Variants in ZBTB20 observed in about 807,000 individuals in gnomAD.
ZBTB20 encodes the protein zinc finger and BTB domain-containing protein 20.
A neutral mutation model predicts 56.9 loss-of-function variants in ZBTB20; 9 were observed. The ratio of observed to expected loss-of-function variants is 0.16; its 90% CI spans 0.10 to 0.28. ZBTB20 has a LOEUF of 0.28. Among genes scored for constraint, ZBTB20 ranks in the 10% least tolerant of loss-of-function variants. ZBTB20 has a pLI of 1.00. For missense variants in ZBTB20, 655 were observed against 1,003.0 expected (o/e 0.65, Z 4.69); for synonymous variants, 417 against 420.7 (o/e 0.99, Z 0.11).
intron 1 of ZBTB20, among the ~76,000 whole-genome samples, chr3:115,083,122 T>C (rs1017614279): frequency 2.6e-5 from 4 of 152,010 alleles, no homozygotes; most frequent in Admixed American, 6.6e-5. Flanking sequence ...CATATAACTC[T>C]TATCTCTTTG....
At chr3:115,106,361 G>A (rs1449216533) in intron 1 of ZBTB20, among the ~76,000 whole-genome samples, 1 of 150,964 alleles carries the variant, frequency 6.6e-6, no homozygotes, top group East Asian at 2.0e-4. Context: ...AGCCTCCCGA[G>A]TAGCTGGGAC....
At chr3:115,131,499 T>C (rs916067489) in intron 1 of ZBTB20, among the ~76,000 whole-genome samples, 1 of 152,186 alleles carries the variant, frequency 6.6e-6, no homozygotes, top group Non-Finnish European at 1.5e-5. Context: ...CATTATTTAC[T>C]AGCATTACCT....
intron 2 of ZBTB20, among the ~76,000 whole-genome samples, chr3:114,996,775 T>A (rs775787749): frequency 1.3e-5 from 2 of 151,740 alleles, no homozygotes; most frequent in Non-Finnish European, 2.9e-5. Context: ...TATTTCTAGT[T>A]CTAGATACAA....
chr3:115,064,744 T>G (rs2082144783), intron 2 of ZBTB20, among the ~76,000 whole-genome samples: 2 of 152,140 alleles, frequency 1.3e-5, no homozygotes, highest in Non-Finnish European at 2.9e-5. Context: ...TGAGCCACCG[T>G]GCCCGGCCTT....
intron 7 of ZBTB20, among the ~76,000 whole-genome samples, chr3:114,499,717 T>C (rs1020271351): frequency 6.6e-5 from 10 of 152,198 alleles, no homozygotes; most frequent in African/African-American, 2.4e-4. Flanking sequence ...CTCTTTTTTT[T>C]CATATAAAAT....
intron 6 of ZBTB20, among the ~76,000 whole-genome samples, chr3:114,571,791 T>C (rs1201356803): frequency 4.6e-5 from 7 of 152,280 alleles, no homozygotes; most frequent in Non-Finnish European, 7.4e-5. Context: ...AATTAGTATC[T>C]CTTGAGGTGG....
intron 6 of ZBTB20, among the ~76,000 whole-genome samples, chr3:114,558,632 T>C (rs1234736348): frequency 6.6e-6 from 1 of 152,100 alleles, no homozygotes; most frequent in African/African-American, 2.4e-5. Context: ...TAACTGGGAT[T>C]ACTTCCTTTT....
intron 10 of ZBTB20, among the ~76,000 whole-genome samples, chr3:114,372,670 A>C (rs76249341): frequency 0.015 from 2,301 of 151,954 alleles, 28 homozygotes; most frequent in South Asian, 0.067. Flanking sequence ...TCTAAAATAC[A>C]AACAAACAAA....
intron 6 of ZBTB20, among the ~76,000 whole-genome samples, chr3:114,588,805 T>C (rs1577789926): frequency 6.6e-6 from 1 of 152,284 alleles, no homozygotes; most frequent in South Asian, 2.1e-4. Context: ...TGAATCTTAA[T>C]CCATATTAGT....
intron 5 of ZBTB20, among the ~76,000 whole-genome samples, chr3:114,720,729 T>G (rs967894502): frequency 1.3e-5 from 2 of 152,182 alleles, no homozygotes; most frequent in Non-Finnish European, 2.9e-5. Flanking sequence ...TCATTTGGCA[T>G]ATACTAATTG....
intron 5 of ZBTB20, among the ~76,000 whole-genome samples, chr3:114,752,559 A>G (rs1404502695): frequency 2.6e-5 from 4 of 152,218 alleles, no homozygotes; most frequent in Admixed American, 2.6e-4. Flanking sequence ...TCTTTAAAAA[A>G]TACTTTTTCC....
intron 6 of ZBTB20, among the ~76,000 whole-genome samples, chr3:114,508,471 G>C (rs938375001): frequency 3.3e-5 from 5 of 152,092 alleles, no homozygotes; most frequent in African/African-American, 9.7e-5. Context: ...CTGGATCACT[G>C]AACTATTGCC....
chr3:114,797,945 C>T (rs2071432918), intron 5 of ZBTB20, among the ~76,000 whole-genome samples: 3 of 151,816 alleles, frequency 2.0e-5, no homozygotes, highest in African/African-American at 2.4e-5. Flanking sequence ...AGGTTTTTAC[C>T]GTAGCCTCTT....
chr3:114,700,734 A>G (rs1394225830), intron 5 of ZBTB20, among the ~76,000 whole-genome samples: 3 of 152,184 alleles, frequency 2.0e-5, no homozygotes, highest in Non-Finnish European at 4.4e-5. Context: ...TTACACAGAA[A>G]AAGAACTCTG....
intron 6 of ZBTB20, among the ~76,000 whole-genome samples, chr3:114,638,806 T>C (rs2059409534): frequency 6.6e-6 from 1 of 152,072 alleles, no homozygotes; most frequent in African/African-American, 2.4e-5. Flanking sequence ...AATTTTTAAA[T>C]ATTTTCCAAA....
chr3:114,825,613 C>T (rs1170869524), intron 4 of ZBTB20, among the ~76,000 whole-genome samples: 3 of 151,772 alleles, frequency 2.0e-5, no homozygotes, highest in African/African-American at 7.3e-5. Context: ...TCGGTGTGAG[C>T]TATAGCATCA....
intron 6 of ZBTB20, among the ~76,000 whole-genome samples, chr3:114,599,932 G>T (rs1439824109): frequency 1.3e-5 from 2 of 151,882 alleles, no homozygotes; most frequent in Non-Finnish European, 2.9e-5. Context: ...GGGTGAAGGG[G>T]AGTGGGAAGA....
At chr3:114,800,567 A>G (rs2071636149) in intron 5 of ZBTB20, among the ~76,000 whole-genome samples, 1 of 151,782 alleles carries the variant, frequency 6.6e-6, no homozygotes, top group South Asian at 2.1e-4. Context: ...ACACAAGGGA[A>G]TTATGCATTT....
intron 2 of ZBTB20, among the ~76,000 whole-genome samples, chr3:114,996,812 A>G (rs1576521085): frequency 6.6e-6 from 1 of 152,054 alleles, no homozygotes; most frequent in African/African-American, 2.4e-5. Context: ...CCCATCAGAG[A>G]GTGGGTGAAG....
Sources: gnomAD v4.1 joint callset for allele counts (sites outside exome capture counted in the v4.1 genomes callset) on GRCh38, gnomAD v4.1.1 for gene constraint, MANE v1.5 for transcripts, NCBI Gene and HGNC (gene_info 2026-07-23, HGNC 2026-07-21) for gene names.